ADAM19: variants seen among roughly 807,000 people sequenced by gnomAD.
The protein encoded by ADAM19 is ADAM metallopeptidase domain 19, also known as disintegrin and metalloproteinase domain-containing protein 19.
In ADAM19, 65 loss-of-function variants were observed where a neutral mutation model predicts 114.7. That is an observed-to-expected ratio of 0.57 (90% CI 0.46 to 0.70). The LOEUF (loss-of-function observed/expected upper bound fraction) is 0.70. ADAM19 is among the 30% of genes least tolerant of loss of function. The probability of loss-of-function intolerance (pLI) is 0.00; values close to 1 mark genes in which losing one functional copy is unlikely to be tolerated. For missense variants in ADAM19, 1,063 were observed against 1,204.7 expected, an observed-to-expected ratio of 0.88 and a Z score of 1.74; for synonymous variants, 466 against 460.5, an observed-to-expected ratio of 1.01 and a Z score of -0.15.
intron 7 of ADAM19, among the ~76,000 whole-genome samples, chr5:157,517,500 C>T (rs1046065131): frequency 6.6e-6 from 1 of 152,098 alleles, no homozygotes; most frequent in African/African-American, 2.4e-5. Flanking sequence ...GGCTCTGGGG[C>T]CTAAACTCAC....
At chr5:157,566,462 A>C (rs992900743) in intron 2 of ADAM19, 5 of 152,216 alleles carry the variant, frequency 3.3e-5, no homozygotes, top group African/African-American at 4.8e-5. Flanking sequence ...AGTTTAAGAA[A>C]AGAACTTTTT....
chr5:157,575,647 A>G lies in ADAM19; in HGVS notation c.50T>C (p.Leu17Pro). The change falls in exon 1 of 23, where the codon CTG becomes CCG. Residue 17 changes from leucine to proline, a missense_variant. This residue lies in a region of ADAM19 where 615 missense variants were observed against 706.3 expected (regional missense o/e 0.87). Transcript: ENST00000257527. ...AARLCLLAFA[L>P]QPLRPRAARE... ...CGCCGCCCGCGGCCGGAGGGGCTGCAGGGCAAACGCCAGCAAGCAGAGCCG... is the reference window on the plus strand; with the variant it reads ...CGCCGCCCGCGGCCGGAGGGGCTGCGGGGCAAACGCCAGCAAGCAGAGCCG... 7.0e-7 allele frequency: 1 copy of G among 1,420,564 alleles called. No homozygotes were observed. The highest frequency in any genetic ancestry group is 9.1e-7 in the Non-Finnish European group (1 of 1,094,256). The allele number at this position is 1,420,564 out of a possible 1,614,324, so 88.0% of individuals were successfully genotyped here.
Position 157,502,953 on chromosome 5 carries a change from T to A in ADAM19, c.1158A>T (p.Gly386=), listed in dbSNP as rs1394434296. The A allele has an allele frequency of 6.2e-7, 1 of 1,614,048 alleles. No homozygotes were observed. The highest frequency in any genetic ancestry group is 8.5e-7 in the Non-Finnish European group (1 of 1,179,978). Residue 386 remains glycine (G), a synonymous_variant, in exon 12 of 23, where the codon GGA becomes GGT. Coordinates refer to ENST00000257527, the MANE Select transcript of ADAM19 (RefSeq NM_033274.5). ...TGHPFPKVFN[G]CNRRELDRYL... ...ACCTGTCCAGCTCCCTCCTGTTGCATCCATTGAACACTTTGGGAAAGGGGT... is the reference window on the plus strand; with the variant it reads ...ACCTGTCCAGCTCCCTCCTGTTGCAACCATTGAACACTTTGGGAAAGGGGT...
chr5:157,539,442 G>A (rs1009281036), intron 3 of ADAM19, among the ~76,000 whole-genome samples: 6 of 152,166 alleles, frequency 3.9e-5, no homozygotes, highest in African/African-American at 1.4e-4. Context: ...ATCGCAGAGG[G>A]TCTCTAGAAT....
chr5:157,525,412 T>C (rs908761904), intron 5 of ADAM19, among the ~76,000 whole-genome samples: 11 of 152,166 alleles, frequency 7.2e-5, no homozygotes, highest in Admixed American at 7.2e-4. Context: ...GAAGGAAGCT[T>C]TTAATGGTCT....
intron 3 of ADAM19, among the ~76,000 whole-genome samples, chr5:157,551,200 T>G (rs1369726818): frequency 6.6e-6 from 1 of 150,734 alleles, no homozygotes; most frequent in Non-Finnish European, 1.5e-5. Context: ...AGGTCAGGAG[T>G]TGCAGACCAG....
At chr5:157,536,013 T>G (rs1312933387) in intron 4 of ADAM19, among the ~76,000 whole-genome samples, 1 of 152,186 alleles carries the variant, frequency 6.6e-6, no homozygotes, top group East Asian at 1.9e-4. Flanking sequence ...TTGAAGAATA[T>G]GAAGTCACAA....
intron 3 of ADAM19, among the ~76,000 whole-genome samples, chr5:157,560,315 C>T (rs1581355169): frequency 7.0e-6 from 1 of 143,800 alleles, no homozygotes. Context: ...AAAGAGCCTT[C>T]AGAGCCTATC....
rs1754724016 is a variant in ADAM19, at chr5:157,480,875, T to A, written c.*74A>T. 6.2e-7 allele frequency: 1 copy of A among 1,607,650 alleles called. No individual in the cohort carries two copies. The highest frequency in any genetic ancestry group is 1.1e-5 in the South Asian group (1 of 89,948). On this transcript the variant is annotated 3_prime_UTR_variant, in exon 23 of 23. Transcript: ENST00000257527. The stretch of plus-strand genomic sequence containing the variant: ...CTCAGAGGCGGCCAGACATGCTTCT[T>A]CAGGGTTCCATGGCCATGGGTCCTC...
At chr5:157,482,147 T>C (rs1446803160) in intron 21 of ADAM19, among the ~76,000 whole-genome samples, 2 of 152,362 alleles carry the variant, frequency 1.3e-5, no homozygotes, top group East Asian at 3.9e-4. Context: ...AAATTACAAA[T>C]AACCAGTGAA....
rs1350018534 is a variant in ADAM19, at chr5:157,488,310, A to G, written c.2505T>C (p.Pro835=). 1.2e-6 allele frequency: 2 copies of G among 1,614,106 alleles called. No individual in the cohort carries two copies. Residue 835 remains proline (P), a synonymous_variant, in exon 21 of 23, where the codon CCT becomes CCC. Transcript: ENST00000257527. The part of the protein sequence containing the change: ...IERTESSRRP[P]PSRPIPPAPN... ...GTGCGGGGGGAATTGGCCGGCTTGG[A>G]GGAGGCCTCCTGGACGACTCCGTCC...
At position 157,488,322 on chromosome 5, in the gene ADAM19, G is replaced by A. The variant is rs201218639; in HGVS notation, c.2493C>T (p.Ser831=). The A allele has an allele frequency of 8.1e-6, 13 of 1,614,170 alleles. No individual in the cohort carries two copies. The East Asian group carries it at 2.9e-4, about 36-fold the overall frequency. The change falls in exon 21 of 23, where the codon TCC becomes TCT. Residue 831 remains serine, a synonymous_variant. Transcript: ENST00000257527. The part of the protein sequence containing the change: ...PGSQIERTES[S]RRPPPSRPIP... ...TTGGCCGGCTTGGAGGAGGCCTCCT[G>A]GACGACTCCGTCCTCTCTATTTGAG...
chr5:157,486,146 T>A (rs547675288), intron 21 of ADAM19, among the ~76,000 whole-genome samples: 51 of 152,328 alleles, frequency 3.3e-4, no homozygotes, highest in African/African-American at 1.1e-3. Flanking sequence ...CAGGAGGCTG[T>A]CTCACTCAGC....
chr5:157,570,970 C>T lies in ADAM19; in HGVS notation c.105G>A (p.Glu35=). 1 of 1,614,032 alleles carries T rather than the reference C, an allele frequency of 6.2e-7. No homozygotes were observed. The highest frequency in any genetic ancestry group is 1.1e-5 in the South Asian group (1 of 91,066). The change falls in exon 2 of 23, where the codon GAG becomes GAA. Residue 35 remains glutamate (E), a synonymous_variant. Transcript: ENST00000257527. ...AREPGWTRGS[E]EGSPKLQHEL... Reference sequence around the variant, plus strand: ...CATGCTGCAGCTTGGGGCTGCCTTCCTCACTTCCTCCTGCCAATACAAGAT... The same window carrying T: ...CATGCTGCAGCTTGGGGCTGCCTTCTTCACTTCCTCCTGCCAATACAAGAT...
chr5:157,489,436 C>G (rs951991409), intron 19 of ADAM19, among the ~76,000 whole-genome samples: 3 of 152,160 alleles, frequency 2.0e-5, no homozygotes, highest in African/African-American at 7.2e-5. Context: ...TTCTCTTCAC[C>G]CTTTTAAGAC....
Position 157,493,942 on chromosome 5 carries a change from G to A in ADAM19, c.1703+745C>T, listed in dbSNP as rs1158115843. On this transcript the variant is annotated intron_variant, in intron 15 of 22. Coordinates refer to ENST00000257527, the MANE Select transcript of ADAM19 (RefSeq NM_033274.5). ...AGCACCACCTTCCACCCTGTTCACC[G>A]AGGTAACTGCTCCAGATCTCAGTGT... Among the ~76,000 whole-genome samples the A allele has an allele frequency of 4.6e-5, 7 of 152,282 alleles. No individual in the cohort carries two copies. The South Asian group carries it at 6.2e-4, about 14-fold the overall frequency.
chr5:157,501,845 T>C (rs771288634), intron 12 of ADAM19, among the ~76,000 whole-genome samples: 22 of 152,036 alleles, frequency 1.4e-4, no homozygotes, highest in Non-Finnish European at 2.4e-4. Context: ...GGTCAGGAGT[T>C]TGAGAACAGC....
chr5:157,547,945 G>A (rs927847954), intron 3 of ADAM19, among the ~76,000 whole-genome samples: 4 of 152,166 alleles, frequency 2.6e-5, no homozygotes, highest in Admixed American at 2.0e-4. Context: ...GTGCCTACAA[G>A]GCCCTTTAAG....
At chr5:157,565,435 T>G (rs753075037) in intron 2 of ADAM19, among the ~76,000 whole-genome samples, 1 of 152,066 alleles carries the variant, frequency 6.6e-6, no homozygotes, top group African/African-American at 2.4e-5. Context: ...ATGTTTAGAC[T>G]CGGCCGGGCA....
Sources: gnomAD v4.1 joint callset for allele counts (sites outside exome capture counted in the v4.1 genomes callset) on GRCh38, gnomAD v4.1.1 for gene constraint, gnomAD v4.1.1 regional missense constraint, MANE v1.5 for transcripts, NCBI Gene and HGNC (gene_info 2026-07-23, HGNC 2026-07-21) for gene names.